The following CSMD2 variants were observed in gnomAD, a reference collection of about 807,000 sequenced individuals.
CSMD2 encodes CUB and Sushi multiple domains 2.
CSMD2 carries 130 observed loss-of-function variants against 398.5 expected under a neutral mutation model. The observed-to-expected ratio is 0.33, with a 90% CI of 0.28 to 0.38. The LOEUF is 0.38. Ranked by LOEUF, CSMD2 falls within the 10% of genes least tolerant of loss-of-function variation. The pLI is 1.00. For missense variants in CSMD2, 3,829 were observed against 4,764.9 expected (o/e 0.80, Z 5.78); for synonymous variants, 1,828 against 1,908.5 (o/e 0.96, Z 1.10).
At chr1:33,857,321 G>A (rs182638146) in intron 5 of CSMD2, among the ~76,000 whole-genome samples, 10 of 152,250 alleles carry the variant, frequency 6.6e-5, no homozygotes, top group Admixed American at 2.6e-4. Context: ...GCTTGCTGCC[G>A]TCCACCTGGA....
chr1:34,021,347 A>G (rs998838224), intron 3 of CSMD2, among the ~76,000 whole-genome samples: 8 of 152,248 alleles, frequency 5.3e-5, no homozygotes, highest in African/African-American at 1.9e-4. Flanking sequence ...CCAAGGGCAC[A>G]GGAAGGAGAC....
chr1:33,686,028 AC>A (rs1645052677), intron 25 of CSMD2, among the ~76,000 whole-genome samples: 1 of 152,132 alleles, frequency 6.6e-6, no homozygotes, highest in African/African-American at 2.4e-5. Flanking sequence ...TTCCAATCCC[AC>A]ATTACTGGGT....
intron 5 of CSMD2, among the ~76,000 whole-genome samples, chr1:33,881,211 T>C (rs1641215012): frequency 6.6e-6 from 1 of 152,224 alleles, no homozygotes; most frequent in Non-Finnish European, 1.5e-5. Flanking sequence ...TCCTATTCAT[T>C]TTCCTGCAAC....
At chr1:33,680,027 T>C (rs1428574262) in intron 25 of CSMD2, among the ~76,000 whole-genome samples, 1 of 151,944 alleles carries the variant, frequency 6.6e-6, no homozygotes, top group Non-Finnish European at 1.5e-5. Context: ...TTCAAGCCAT[T>C]CTCCTGTCTC....
At chr1:34,133,481 A>T (rs1638362721) in intron 1 of CSMD2, among the ~76,000 whole-genome samples, 1 of 151,928 alleles carries the variant, frequency 6.6e-6, no homozygotes, top group African/African-American at 2.4e-5. Flanking sequence ...AAATACAAAA[A>T]TTAGCCAGGC....
At chr1:33,708,982 A>G (rs535307721) in intron 22 of CSMD2, 107 bp downstream of exon 22, 2 of 1,028,020 alleles carry the variant, frequency 1.9e-6, no homozygotes, top group African/African-American at 3.2e-5. Flanking sequence ...TTTGGGACTC[A>G]GGAAGGAAGG....
rs138539428 is a variant in CSMD2 at position 33,919,334 on chromosome 1, C to A, written c.713-1033G>T. Among the ~76,000 whole-genome samples the A allele has an allele frequency of 2.1e-3, 320 of 152,258 alleles. 3 individuals are homozygous for A. The highest frequency in any genetic ancestry group is 7.2e-3 in the African/African-American group (299 of 41,540). ...GCAACCAGGAGTTCAGTTTTGGACA[C>A]GCAGAAGTGGGTATGTCTGTGGGGC... On this transcript the variant is annotated intron_variant, in intron 4 of 70. Transcript: ENST00000373381.
At chr1:33,790,011 T>C (rs1465920397) in intron 11 of CSMD2, among the ~76,000 whole-genome samples, 3 of 152,208 alleles carry the variant, frequency 2.0e-5, no homozygotes, top group Non-Finnish European at 4.4e-5. Context: ...TGATCCTCAA[T>C]AGCCTTTTCA....
chr1:33,711,572 G>A (rs1435442886), intron 21 of CSMD2, among the ~76,000 whole-genome samples: 1 of 152,182 alleles, frequency 6.6e-6, no homozygotes, highest in Non-Finnish European at 1.5e-5. Context: ...AACCCTAACT[G>A]CCTGGATTCT....
At chr1:34,133,634 G>GA (rs936952014) in intron 1 of CSMD2, among the ~76,000 whole-genome samples, 19 of 147,404 alleles carry the variant, frequency 1.3e-4, no homozygotes, top group African/African-American at 3.5e-4. Flanking sequence ...CTGTCCAAAA[G>GA]AAAAAAAAAA....
intron 36 of CSMD2, 36 bp downstream of exon 36, chr1:33,623,334 A>G (rs766721095): frequency 5.9e-6 from 8 of 1,348,814 alleles, no homozygotes; most frequent in Middle Eastern, 1.8e-4. Flanking sequence ...CTCTAGTACT[A>G]CCCTCCAAAT....
At chr1:33,892,597 C>T (rs6697926) in intron 5 of CSMD2, among the ~76,000 whole-genome samples, 109,592 of 152,122 alleles carry the variant, frequency 0.72, 39,859 homozygotes, top group East Asian at 0.85. Flanking sequence ...CTGAGCTACT[C>T]CTCTTAGAAT....
chr1:33,695,770 G>A (rs1014048741), intron 24 of CSMD2, among the ~76,000 whole-genome samples: 14 of 152,348 alleles, frequency 9.2e-5, no homozygotes, highest in Admixed American at 9.1e-4. Context: ...GCCCACCAGA[G>A]TGGCTCCCTT....
At chr1:33,740,613 T>A (rs906927801) in intron 14 of CSMD2, among the ~76,000 whole-genome samples, 1 of 152,134 alleles carries the variant, frequency 6.6e-6, no homozygotes, top group African/African-American at 2.4e-5. Context: ...CCAACACCCT[T>A]CCATTTGAAC....
Position 34,115,566 on chromosome 1 carries a change from C to A in CSMD2, c.188-26373G>T, listed in dbSNP as rs74590852. On this transcript the variant is annotated intron_variant, in intron 1 of 70. Coordinates refer to ENST00000373381, the MANE Select transcript of CSMD2 (RefSeq NM_001281956.2). ...GTAAACAAGGTGAGGGAGTTCATCG[C>A]CATTAGATCTGCCTTATGAAAATTA... Among the ~76,000 whole-genome samples, 497 of 152,064 alleles carry A rather than the reference C, an allele frequency of 3.3e-3. 5 individuals are homozygous for A. The highest frequency in any genetic ancestry group is 0.024 in the Middle Eastern group (7 of 294).
At chr1:33,705,608 C>T (rs1015327857) in intron 22 of CSMD2, among the ~76,000 whole-genome samples, 34 of 151,520 alleles carry the variant, frequency 2.2e-4, no homozygotes, top group Non-Finnish European at 1.6e-4. Flanking sequence ...AGAGAGGATA[C>T]GGGGGAATCA....
chr1:33,742,991 G>T (rs1389145230), intron 14 of CSMD2, among the ~76,000 whole-genome samples: 1 of 152,096 alleles, frequency 6.6e-6, no homozygotes, highest in East Asian at 1.9e-4. Context: ...GATGGGGAAG[G>T]TTGGGGCAAA....
At chr1:33,873,910 C>T (rs895418067) in intron 5 of CSMD2, 1 of 152,098 alleles carries the variant, frequency 6.6e-6, no homozygotes, top group African/African-American at 2.4e-5. Context: ...ACTCTCTCCT[C>T]CCCAGGGCCT....
In CSMD2 at chr1:33,518,048, T is replaced by C. The variant is rs984589830; in HGVS notation, c.*53+1417A>G. 6.6e-6 allele frequency among the ~76,000 whole-genome samples: 1 copy of C among 152,246 alleles called. No individual in the cohort carries two copies. Among genetic ancestry groups the C allele is most frequent in the African/African-American group, 2.4e-5 (1 of 41,472 alleles). The stretch of plus-strand genomic sequence containing the variant: ...GGAGCGTGGGGAGGGAGCGCAACAC[T>C]AGCCCTGGGTTTGGCTGGTGGCCCA... On this transcript the variant is annotated intron_variant, in intron 70 of 70. Transcript: ENST00000373381. The surrounding 1 kb of genome is among the most constrained non-coding windows in gnomAD (Gnocchi z 4.3).
Sources: gnomAD v4.1 joint callset for allele counts (sites outside exome capture counted in the v4.1 genomes callset) on GRCh38, gnomAD v4.1.1 for gene constraint, Gnocchi (gnomAD v3.1) non-coding constraint, MANE v1.5 for transcripts, NCBI Gene and HGNC (gene_info 2026-07-23, HGNC 2026-07-21) for gene names.